TRIM55: variants seen among roughly 807,000 people sequenced by gnomAD.
TRIM55 encodes tripartite motif-containing protein 55.
A neutral mutation model predicts 60.9 loss-of-function variants in TRIM55; 50 were observed. The observed-to-expected ratio is 0.82, with a 90% CI of 0.65 to 1.04. The LOEUF (loss-of-function observed/expected upper bound fraction) is 1.04, where lower values mean the gene tolerates loss of function less well. Among genes scored for constraint, TRIM55 ranks in the 50% least tolerant of loss-of-function variants. The pLI, the probability that TRIM55 is intolerant of heterozygous loss-of-function variation, is 0.00. For missense variants in TRIM55, 681 were observed against 666.9 expected (o/e 1.02, Z -0.23); for synonymous variants, 237 against 238.1 (o/e 1.00, Z 0.04).
Position 66,137,136 on chromosome 8 carries a change from C to T in TRIM55, c.549C>T (p.Asn183=), listed in dbSNP as rs756371776. 15 of 1,614,028 alleles carry T rather than the reference C, an allele frequency of 9.3e-6. No individual in the cohort carries two copies. Among genetic ancestry groups the T allele is most frequent in the African/African-American group, 4.0e-5 (3 of 74,914 alleles). ...GCATCGCCATCCTCGTGGGCAGCAA[C>T]GATCGAGTCCAGGGAGTGATCAGCC... The part of the protein sequence containing the change: ...SDGIAILVGS[N]DRVQGVISQL... The change falls in exon 4 of 10, where the codon AAC becomes AAT. Residue 183 remains asparagine, a synonymous_variant. Coordinates refer to ENST00000315962, the MANE Select transcript of TRIM55 (RefSeq NM_184085.2).
chr8:66,158,233 G>A (rs1462607068), intron 9 of TRIM55, among the ~76,000 whole-genome samples: 2 of 147,624 alleles, frequency 1.4e-5, no homozygotes, highest in Non-Finnish European at 3.0e-5. Flanking sequence ...TTGGAGATAG[G>A]GACTTTGGCA....
At chr8:66,115,798 C>T in the TRIM55 span, among the ~76,000 whole-genome samples, 1 of 152,270 alleles carries the variant, frequency 6.6e-6, no homozygotes, top group East Asian at 1.9e-4. Flanking sequence ...GTCTTTGTTT[C>T]TCAAGTGGGG....
At chr8:66,136,092 T>C (rs77990461) in intron 3 of TRIM55, among the ~76,000 whole-genome samples, 3 of 152,194 alleles carry the variant, frequency 2.0e-5, no homozygotes, top group African/African-American at 7.2e-5. Flanking sequence ...AGAAACAGAT[T>C]TTGCAAATTA....
chr8:66,151,247 A>G (rs985927684), intron 7 of TRIM55, among the ~76,000 whole-genome samples: 2 of 152,216 alleles, frequency 1.3e-5, no homozygotes, highest in Non-Finnish European at 2.9e-5. Context: ...CTGTGTGACT[A>G]GTTATACTCC....
At chr8:66,118,189 AAAAAAAG>A in the TRIM55 span, among the ~76,000 whole-genome samples, 3 of 147,394 alleles carry the variant, frequency 2.0e-5, no homozygotes, top group Non-Finnish European at 3.0e-5. Flanking sequence ...AAAAAAAAAA[AAAAAAAG>A]AAGTGTTCAG....
At chr8:66,161,852 A>T (rs1397464941) in intron 9 of TRIM55, among the ~76,000 whole-genome samples, 2 of 148,976 alleles carry the variant, frequency 1.3e-5, no homozygotes, top group Non-Finnish European at 3.0e-5. Context: ...AGAGCTACTG[A>T]TTTGTGTATG....
In TRIM55 at chr8:66,169,290, C is replaced by T. The variant is rs114559838; in HGVS notation, c.1525-5181C>T. On this transcript the variant is annotated intron_variant, in intron 9 of 9. Transcript: ENST00000315962. The stretch of plus-strand genomic sequence containing the variant: ...GCATTGACCCCCAAGCTCAAACAAG[C>T]GCATATCCACCAATCTGCACCCAGT... Among the ~76,000 whole-genome samples the T allele has an allele frequency of 2.7e-3, 411 of 152,232 alleles. 2 individuals are homozygous for T. Among genetic ancestry groups the T allele is most frequent in the African/African-American group, 9.2e-3 (382 of 41,516 alleles).
At chr8:66,118,039 G>C in the TRIM55 span, among the ~76,000 whole-genome samples, 2 of 150,856 alleles carry the variant, frequency 1.3e-5, no homozygotes, top group Non-Finnish European at 3.0e-5. Flanking sequence ...TGTGGTGGCG[G>C]GCCCCTGTAG....
intron 6 of TRIM55, 49 bp downstream of exon 6, chr8:66,150,288 A>G: frequency 6.2e-7 from 1 of 1,613,890 alleles, no homozygotes; most frequent in Admixed American, 1.7e-5. Context: ...ACCTTTACCC[A>G]AGGCTATCCA....
intron 2 of TRIM55, among the ~76,000 whole-genome samples, chr8:66,132,849 G>C (rs986346229): frequency 1.3e-5 from 2 of 152,152 alleles, no homozygotes; most frequent in African/African-American, 4.8e-5. Flanking sequence ...ATTGTTCTCA[G>C]TGTATACAGC....
At chr8:66,117,399 A>G in the TRIM55 span, among the ~76,000 whole-genome samples, 1 of 152,236 alleles carries the variant, frequency 6.6e-6, no homozygotes, top group African/African-American at 2.4e-5. Context: ...AATATTTTAG[A>G]TGTTCTGGGG....
At chr8:66,132,512 G>T (rs1444713471) in intron 2 of TRIM55, among the ~76,000 whole-genome samples, 2 of 152,128 alleles carry the variant, frequency 1.3e-5, no homozygotes, top group Non-Finnish European at 1.5e-5. Flanking sequence ...AAGACCAGAT[G>T]CCCACTCCTC....
chr8:66,145,367 T>C (rs1434305757), intron 4 of TRIM55, among the ~76,000 whole-genome samples: 3 of 152,228 alleles, frequency 2.0e-5, no homozygotes, highest in Admixed American at 6.5e-5. Context: ...TATCTAACTC[T>C]TACCATTTTT....
intron 9 of TRIM55, among the ~76,000 whole-genome samples, chr8:66,170,639 C>T (rs73251671): frequency 0.012 from 1,875 of 152,046 alleles, 40 homozygotes; most frequent in African/African-American, 0.042. Flanking sequence ...ACCCTGCAAA[C>T]ATTAAGCAAT....
upstream of TRIM55, among the ~76,000 whole-genome samples, chr8:66,124,381 G>T (rs1383969033): frequency 6.6e-6 from 1 of 152,182 alleles, no homozygotes; most frequent in Admixed American, 6.5e-5. Context: ...TCCATGGCCA[G>T]CCAATGCTTG....
chr8:66,142,589 C>T (rs1408332787), intron 4 of TRIM55, among the ~76,000 whole-genome samples: 1 of 152,196 alleles, frequency 6.6e-6, no homozygotes, highest in East Asian at 1.9e-4. Flanking sequence ...TGGCTTAGCC[C>T]AGAAAAACCA....
At chr8:66,114,174 G>T in the TRIM55 span, among the ~76,000 whole-genome samples, 1 of 147,054 alleles carries the variant, frequency 6.8e-6, no homozygotes, top group African/African-American at 2.5e-5. Flanking sequence ...CAGATAATAA[G>T]CCGTGCCCAG....
intron 9 of TRIM55, among the ~76,000 whole-genome samples, chr8:66,165,557 T>C (rs369463613): frequency 6.6e-6 from 1 of 152,184 alleles, no homozygotes; most frequent in South Asian, 2.1e-4. Flanking sequence ...GTTCTCTAAA[T>C]TTAATTGAAG....
intron 9 of TRIM55, among the ~76,000 whole-genome samples, chr8:66,167,155 T>C (rs577215084): frequency 9.8e-4 from 149 of 152,314 alleles, no homozygotes; most frequent in South Asian, 2.1e-3. Context: ...ACTTCTGGTC[T>C]CTATGAACAA....
Sources: allele counts gnomAD v4.1 joint callset (sites outside exome capture counted in the v4.1 genomes callset), GRCh38; gene constraint gnomAD v4.1.1; transcripts MANE v1.5; gene names NCBI Gene and HGNC (gene_info 2026-07-23, HGNC 2026-07-21).